The following DLG2 variants were observed in gnomAD, a reference collection of about 807,000 sequenced individuals.
The protein encoded by DLG2 is disks large homolog 2.
Under a neutral mutation model 132.5 loss-of-function variants are expected in DLG2, and 45 were observed. The ratio of observed to expected loss-of-function variants is 0.34; its 90% CI spans 0.27 to 0.44. The LOEUF is 0.44. Among genes scored for constraint, DLG2 ranks in the 20% least tolerant of loss-of-function variants. DLG2 has a pLI of 1.00. For missense variants in DLG2, 1,045 were observed against 1,196.9 expected (o/e 0.87, Z 1.87); for synonymous variants, 424 against 419.6 (o/e 1.01, Z -0.13).
At chr11:85,060,826 T>A (rs934489487) in intron 6 of DLG2, among the ~76,000 whole-genome samples, 1 of 151,800 alleles carries the variant, frequency 6.6e-6, no homozygotes, top group African/African-American at 2.4e-5. Flanking sequence ...TTTCTCCACA[T>A]CCTTCTCAAC....
At chr11:85,382,569 T>C (rs752440101) in intron 3 of DLG2, among the ~76,000 whole-genome samples, 1 of 152,104 alleles carries the variant, frequency 6.6e-6, no homozygotes, top group Non-Finnish European at 1.5e-5. Context: ...AACCCACCGA[T>C]GAAAAATAAC....
At chr11:84,292,896 C>T (rs2098025347) in intron 7 of DLG2, among the ~76,000 whole-genome samples, 1 of 151,954 alleles carries the variant, frequency 6.6e-6, no homozygotes, top group Non-Finnish European at 1.5e-5. Flanking sequence ...ATAAAACTAA[C>T]AATAGCTAAT....
At chr11:84,677,919 A>G (rs2153702349) in intron 6 of DLG2, among the ~76,000 whole-genome samples, 1 of 152,104 alleles carries the variant, frequency 6.6e-6, no homozygotes, top group Non-Finnish European at 1.5e-5. Flanking sequence ...CTAACTCAAA[A>G]TGCATGAGTA....
chr11:84,375,177 T>C (rs918816105), intron 7 of DLG2, among the ~76,000 whole-genome samples: 2 of 152,198 alleles, frequency 1.3e-5, no homozygotes, highest in Non-Finnish European at 2.9e-5. Flanking sequence ...AGTGGACTGT[T>C]ATTAACTGAT....
intron 18 of DLG2, among the ~76,000 whole-genome samples, chr11:83,773,709 C>G (rs769453914): frequency 6.6e-6 from 1 of 152,236 alleles, no homozygotes; most frequent in Admixed American, 6.5e-5. Flanking sequence ...ACCCATAGTT[C>G]GAAGAGAAAC....
intron 6 of DLG2, among the ~76,000 whole-genome samples, chr11:84,841,815 T>C (rs1234110314): frequency 2.0e-5 from 3 of 152,028 alleles, no homozygotes; most frequent in Admixed American, 2.0e-4. Context: ...TCTTAGGTCT[T>C]CCTAAGAATA....
intron 6 of DLG2, among the ~76,000 whole-genome samples, chr11:84,934,550 G>A (rs1320298582): frequency 1.2e-5 from 1 of 84,470 alleles, no homozygotes; most frequent in African/African-American, 4.7e-5. Context: ...TTTTTTTGGT[G>A]GGTAGGCTAT....
chr11:83,929,231 A>G (rs1015787175), intron 15 of DLG2, among the ~76,000 whole-genome samples: 3 of 152,200 alleles, frequency 2.0e-5, no homozygotes, highest in African/African-American at 7.2e-5. Flanking sequence ...AGTATCAAAA[A>G]ATAAAGATGA....
chr11:85,548,933 G>C (rs547054287), intron 3 of DLG2, among the ~76,000 whole-genome samples: 28 of 152,130 alleles, frequency 1.8e-4, no homozygotes, highest in Non-Finnish European at 3.5e-4. Flanking sequence ...GGCTCCGTGG[G>C]GGTGGGACTG....
intron 6 of DLG2, among the ~76,000 whole-genome samples, chr11:84,886,772 T>C (rs1348357943): frequency 6.6e-6 from 1 of 152,158 alleles, no homozygotes. Flanking sequence ...ATGTATTTAT[T>C]TCTGTTCATC....
At chr11:83,470,380 G>T (rs1001746352) in intron 24 of DLG2, among the ~76,000 whole-genome samples, 5 of 152,106 alleles carry the variant, frequency 3.3e-5, no homozygotes, top group African/African-American at 1.2e-4. Context: ...TGGGTATTGT[G>T]TGGGATTTTG....
chr11:83,610,858 C>T (rs1401399000), intron 19 of DLG2, among the ~76,000 whole-genome samples: 1 of 152,124 alleles, frequency 6.6e-6, no homozygotes, highest in East Asian at 1.9e-4. Context: ...GAGAAAACAA[C>T]ATTTTCCAGA....
At chr11:84,260,193 A>G (rs2097533072) in intron 7 of DLG2, among the ~76,000 whole-genome samples, 1 of 152,200 alleles carries the variant, frequency 6.6e-6, no homozygotes, top group Non-Finnish European at 1.5e-5. Context: ...GAAGCACAGA[A>G]AGTAGAGACC....
At chr11:84,142,316 T>A (rs2094888810) in intron 9 of DLG2, among the ~76,000 whole-genome samples, 1 of 47,582 alleles carries the variant, frequency 2.1e-5, no homozygotes, top group African/African-American at 8.6e-5. Context: ...TGAGAATCCA[T>A]CTCAAAAAAA....
chr11:84,186,090 G>T (rs1434602183), intron 8 of DLG2, among the ~76,000 whole-genome samples: 1 of 152,098 alleles, frequency 6.6e-6, no homozygotes, highest in African/African-American at 2.4e-5. Context: ...CTATTTCTAA[G>T]ATTTTATCTT....
At chr11:84,997,529 A>G (rs1305039407) in intron 6 of DLG2, 1 of 152,186 alleles carries the variant, frequency 6.6e-6, no homozygotes, top group African/African-American at 2.4e-5. Context: ...GAGGTTTTCT[A>G]AACTCCAAAG....
At chr11:83,974,609 G>C (rs906139618) in intron 12 of DLG2, among the ~76,000 whole-genome samples, 2 of 148,714 alleles carry the variant, frequency 1.3e-5, no homozygotes, top group Admixed American at 6.8e-5. Context: ...TGGGATACAA[G>C]TTGCAGAATT....
At chr11:84,686,965 C>T (rs1390791973) in intron 6 of DLG2, 1 of 152,066 alleles carries the variant, frequency 6.6e-6, no homozygotes, top group Non-Finnish European at 1.5e-5. Context: ...TCCTTTAGTC[C>T]TTCAGTTTAG....
rs182691519 is a variant in DLG2 at position 84,741,844 on chromosome 11, A to G, written c.358-207113T>C. On this transcript the variant is annotated intron_variant, in intron 6 of 27. Transcript: ENST00000376104. ...AAGGAAGTATATAAAATGAAGTACC[A>G]GAAAAGGAATAAAAAATAATTATCT... is the stretch of plus-strand genomic sequence containing the variant. Among the ~76,000 whole-genome samples the G allele has an allele frequency of 3.3e-5, 5 of 152,312 alleles. No individual in the cohort carries two copies. The East Asian group carries it at 9.7e-4, about 29-fold the overall frequency.
Sources: gnomAD v4.1 joint callset for allele counts (sites outside exome capture counted in the v4.1 genomes callset) on GRCh38, gnomAD v4.1.1 for gene constraint, MANE v1.5 for transcripts, NCBI Gene and HGNC (gene_info 2026-07-23, HGNC 2026-07-21) for gene names.